PDE8B: variants seen among roughly 807,000 people sequenced by gnomAD.
PDE8B encodes high affinity cAMP-specific and IBMX-insensitive 3',5'-cyclic phosphodiesterase 8B.
Under a neutral mutation model 101.3 loss-of-function variants are expected in PDE8B, and 26 were observed. The ratio of observed to expected loss-of-function variants is 0.26; its 90% CI spans 0.19 to 0.36. The LOEUF (loss-of-function observed/expected upper bound fraction) is 0.36, where lower values mean the gene tolerates loss of function less well. Among genes scored for constraint, PDE8B ranks in the 10% least tolerant of loss-of-function variants. The probability of loss-of-function intolerance (pLI) is 1.00; values close to 1 mark genes in which losing one functional copy is unlikely to be tolerated. For missense variants in PDE8B, 810 were observed against 1,163.1 expected, an observed-to-expected ratio of 0.70 and a Z score of 4.42; for synonymous variants, 424 against 429.3, an observed-to-expected ratio of 0.99 and a Z score of 0.15.
chr5:77,352,792 G>A (rs1326036071), intron 9 of PDE8B, among the ~76,000 whole-genome samples: 7 of 152,124 alleles, frequency 4.6e-5, no homozygotes, highest in East Asian at 3.8e-4. Flanking sequence ...TCTTTTGCCC[G>A]GTTTTCCTTG....
intron 10 of PDE8B, among the ~76,000 whole-genome samples, chr5:77,372,149 G>A (rs1785171731): frequency 1.3e-5 from 2 of 152,194 alleles, no homozygotes; most frequent in Non-Finnish European, 2.9e-5. Flanking sequence ...ACAGTGAGCT[G>A]AGATTGTGCC....
At chr5:77,123,329 G>A in the PDE8B span, among the ~76,000 whole-genome samples, 142 of 151,954 alleles carry the variant, frequency 9.3e-4, no homozygotes, top group African/African-American at 3.3e-3. Context: ...CAAAGGTGCC[G>A]CCTCTCAAAT....
At chr5:77,417,525 G>C (rs188123924) in intron 17 of PDE8B, among the ~76,000 whole-genome samples, 1 of 152,280 alleles carries the variant, frequency 6.6e-6, no homozygotes, top group East Asian at 1.9e-4. Flanking sequence ...TTATATAACA[G>C]TAGCCCATCT....
At chr5:77,351,494 A>G (rs1002509903) in intron 9 of PDE8B, among the ~76,000 whole-genome samples, 3 of 152,134 alleles carry the variant, frequency 2.0e-5, no homozygotes, top group Non-Finnish European at 4.4e-5. Context: ...CACTCAGTGC[A>G]TAGGGAGCCA....
intron 10 of PDE8B, among the ~76,000 whole-genome samples, chr5:77,395,292 T>C (rs1387603258): frequency 1.3e-5 from 2 of 150,678 alleles, no homozygotes; most frequent in East Asian, 3.9e-4. Context: ...ACTTTTTGTA[T>C]TTTTAGTAGA....
At chr5:77,129,806 G>A in the PDE8B span, among the ~76,000 whole-genome samples, 256 of 151,090 alleles carry the variant, frequency 1.7e-3, no homozygotes, top group African/African-American at 5.7e-3. Context: ...TTGGCATAAC[G>A]TCACCCACCC....
At chr5:77,153,840 G>A in the PDE8B span, among the ~76,000 whole-genome samples, 1 of 152,134 alleles carries the variant, frequency 6.6e-6, no homozygotes, top group African/African-American at 2.4e-5. Flanking sequence ...CTCCCAAAGT[G>A]TTGGGATTAC....
chr5:77,400,318 A>G (rs762704713), intron 11 of PDE8B, 28 bp downstream of exon 11: 4 of 1,413,034 alleles, frequency 2.8e-6, no homozygotes, highest in Non-Finnish European at 4.0e-6. Context: ...GAACTCTAAC[A>G]TACTTAGGAG....
chr5:77,173,538 T>C, the PDE8B span, among the ~76,000 whole-genome samples: 9 of 152,210 alleles, frequency 5.9e-5, no homozygotes, highest in Admixed American at 5.2e-4. Flanking sequence ...AAAAAGCAAT[T>C]TGGGGAGAAG....
At chr5:77,164,879 C>T in the PDE8B span, among the ~76,000 whole-genome samples, 2 of 152,278 alleles carry the variant, frequency 1.3e-5, no homozygotes, top group South Asian at 4.2e-4. Context: ...GGAAGTTCTG[C>T]ATTTCTGTCT....
intron 1 of PDE8B, among the ~76,000 whole-genome samples, chr5:77,213,172 A>T (rs964620432): frequency 6.6e-6 from 1 of 152,208 alleles, no homozygotes; most frequent in Non-Finnish European, 1.5e-5. Flanking sequence ...TATTAATCTC[A>T]TTGCTACTTG....
At chr5:77,165,504 A>G in the PDE8B span, 1 of 152,236 alleles carries the variant, frequency 6.6e-6, no homozygotes. Flanking sequence ...TGGCATGGTA[A>G]GTGCCCTAAA....
At chr5:77,160,633 A>G in the PDE8B span, among the ~76,000 whole-genome samples, 1 of 151,980 alleles carries the variant, frequency 6.6e-6, no homozygotes, top group East Asian at 1.9e-4. Flanking sequence ...AACGGTATGT[A>G]TATCTTTTTC....
chr5:77,337,234 TGGA>T lies in PDE8B; in HGVS notation c.718_720del (p.Glu240del). The T allele has an allele frequency of 6.4e-7, 1 of 1,557,800 alleles. No individual in the cohort carries two copies. The highest frequency in any genetic ancestry group is 8.8e-7 in the Non-Finnish European group (1 of 1,131,376). On this transcript the variant is annotated inframe_deletion, in exon 6 of 22. Coordinates refer to ENST00000264917, the MANE Select transcript of PDE8B (RefSeq NM_003719.5). ...TCTTTGCTTTCTTTTCAGAGATTTATGGAGAATAGCAGCATAATTGCTTGCTAT... is the reference window on the plus strand; with the variant it reads ...TCTTTGCTTTCTTTTCAGAGATTTATGAATAGCAGCATAATTGCTTGCTAT...
intron 1 of PDE8B, among the ~76,000 whole-genome samples, chr5:77,310,119 T>G (rs1451155283): frequency 6.6e-6 from 1 of 151,702 alleles, no homozygotes; most frequent in Non-Finnish European, 1.5e-5. Flanking sequence ...CCAGCTAATT[T>G]TTTGTATTTT....
chr5:77,334,193 T>C (rs1413329025), intron 5 of PDE8B, among the ~76,000 whole-genome samples: 1 of 152,228 alleles, frequency 6.6e-6, no homozygotes, highest in Non-Finnish European at 1.5e-5. Flanking sequence ...CTGAGCTGGT[T>C]TGATTGTATT....
At chr5:77,224,695 T>A (rs570171661) in intron 1 of PDE8B, among the ~76,000 whole-genome samples, 16 of 152,370 alleles carry the variant, frequency 1.1e-4, no homozygotes, top group Admixed American at 3.9e-4. Context: ...AAGATTTTTT[T>A]AATCATCTTT....
At chr5:77,178,144 G>T in the PDE8B span, among the ~76,000 whole-genome samples, 10 of 152,206 alleles carry the variant, frequency 6.6e-5, no homozygotes, top group Non-Finnish European at 1.3e-4. Flanking sequence ...CACTCTCTCA[G>T]AAGTGAATAG....
At chr5:77,244,462 C>G (rs927185988) in intron 1 of PDE8B, among the ~76,000 whole-genome samples, 11 of 152,070 alleles carry the variant, frequency 7.2e-5, no homozygotes, top group African/African-American at 2.4e-4. Context: ...GCTCCAGGGG[C>G]AGCCTTAGGG....
Sources: allele counts gnomAD v4.1 joint callset (sites outside exome capture counted in the v4.1 genomes callset), GRCh38; gene constraint gnomAD v4.1.1; transcripts MANE v1.5; gene names NCBI Gene and HGNC (gene_info 2026-07-23, HGNC 2026-07-21).